Variants in RAVER2 observed in about 807,000 individuals in gnomAD.
RAVER2 encodes the protein ribonucleoprotein, PTB binding 2.
RAVER2 carries 46 observed loss-of-function variants against 78.1 expected under a neutral mutation model. The ratio of observed to expected loss-of-function variants is 0.59; its 90% CI spans 0.46 to 0.75. The LOEUF is 0.75. RAVER2 is among the 30% of genes least tolerant of loss of function. The pLI, the probability that RAVER2 is intolerant of heterozygous loss-of-function variation, is 0.00. For synonymous variants in RAVER2, 311 were observed against 313.3 expected, an observed-to-expected ratio of 0.99 and a Z score of 0.08; for missense variants, 793 against 837.5, an observed-to-expected ratio of 0.95 and a Z score of 0.66.
intron 11 of RAVER2, among the ~76,000 whole-genome samples, chr1:64,830,185 C>T (rs534455511): frequency 1.3e-5 from 2 of 152,308 alleles, no homozygotes; most frequent in South Asian, 4.1e-4. Context: ...AGCAGTGCTA[C>T]ACCATCTGAT....
chr1:64,763,419 T>A (rs1652078984), intron 1 of RAVER2, among the ~76,000 whole-genome samples: 1 of 152,106 alleles, frequency 6.6e-6, no homozygotes, highest in East Asian at 1.9e-4. Context: ...GTCAGTAATA[T>A]CATTATAAGT....
intron 1 of RAVER2, among the ~76,000 whole-genome samples, chr1:64,755,732 T>TG (rs1553151540): frequency 6.4e-5 from 9 of 141,558 alleles, no homozygotes; most frequent in African/African-American, 2.1e-4. Flanking sequence ...TAGTTTTTTT[T>TG]TTTTTTTTTT....
intron 1 of RAVER2, among the ~76,000 whole-genome samples, chr1:64,749,506 C>T (rs1034596773): frequency 7.9e-5 from 12 of 152,164 alleles, no homozygotes; most frequent in South Asian, 2.1e-4. Context: ...CCACCGTGCC[C>T]GGCCAGTCCT....
At chr1:64,800,481 G>A (rs1214917311) in intron 5 of RAVER2, among the ~76,000 whole-genome samples, 1 of 151,998 alleles carries the variant, frequency 6.6e-6, no homozygotes, top group East Asian at 1.9e-4. Flanking sequence ...GAGAGATAAG[G>A]GTCTGGCTTC....
At chr1:64,754,893 G>A (rs1553151483) in intron 1 of RAVER2, among the ~76,000 whole-genome samples, 1 of 152,188 alleles carries the variant, frequency 6.6e-6, no homozygotes, top group Non-Finnish European at 1.5e-5. Context: ...GGTTTGGGTA[G>A]TGATCCTTTA....
At chr1:64,809,189 C>T (rs1653532474) in intron 9 of RAVER2, among the ~76,000 whole-genome samples, 1 of 152,080 alleles carries the variant, frequency 6.6e-6, no homozygotes, top group Admixed American at 6.6e-5. Context: ...AAGAACAATT[C>T]AAGCTTTTAA....
chr1:64,802,287 T>C (rs1653288856), intron 5 of RAVER2, among the ~76,000 whole-genome samples: 1 of 152,230 alleles, frequency 6.6e-6, no homozygotes, highest in South Asian at 2.1e-4. Context: ...TTACTGGGAA[T>C]GCAGCTCAGC....
chr1:64,817,426 T>C (rs1353424387), intron 11 of RAVER2, among the ~76,000 whole-genome samples: 2 of 152,142 alleles, frequency 1.3e-5, no homozygotes, highest in African/African-American at 4.8e-5. Flanking sequence ...GAATTATAAA[T>C]CATGCTGCTA....
chr1:64,783,637 A>C (rs899401264), intron 4 of RAVER2, among the ~76,000 whole-genome samples: 6 of 152,134 alleles, frequency 3.9e-5, no homozygotes, highest in African/African-American at 7.2e-5. Context: ...TTCTGGATAT[A>C]TTAGCCCTTT....
intron 1 of RAVER2, among the ~76,000 whole-genome samples, chr1:64,764,367 A>T (rs1018400674): frequency 6.6e-6 from 1 of 151,972 alleles, no homozygotes; most frequent in African/African-American, 2.4e-5. Context: ...CTATTTTCCC[A>T]TATGGGAAAA....
chr1:64,782,597 A>G (rs902577659), intron 4 of RAVER2, among the ~76,000 whole-genome samples: 6 of 152,180 alleles, frequency 3.9e-5, no homozygotes, highest in Admixed American at 3.9e-4. Flanking sequence ...TTAAAATTTA[A>G]CTGCACATTC....
rs1361089768 is a variant in RAVER2 at position 64,807,489 on chromosome 1, G to A, written c.1680+15G>A. On this transcript the variant is annotated intron_variant, in intron 9 of 11. Transcript: ENST00000294428. ...TAAGTTCAGGGGTAAGAAAACTGTG[G>A]GTGCACACAGATGTATATATACATG... 1.2e-6 allele frequency: 2 copies of A among 1,610,756 alleles called. No individual in the cohort carries two copies. Among genetic ancestry groups the A allele is most frequent in the South Asian group, 2.2e-5 (2 of 90,996 alleles).
chr1:64,777,690 T>G (rs553549225), exon 3 of RAVER2: 1 of 1,614,030 alleles, frequency 6.2e-7, no homozygotes, highest in South Asian at 1.1e-5. Flanking sequence ...AATATTCTTT[T>G]AGAGGAAAAG....
exon 8 of RAVER2, chr1:64,805,096 G>T: frequency 6.2e-7 from 1 of 1,613,070 alleles, no homozygotes; most frequent in Non-Finnish European, 8.5e-7. Context: ...TCATGGAGAA[G>T]CACATAAAAG....
chr1:64,777,805 A>C, exon 3 of RAVER2: 1 of 1,614,108 alleles, frequency 6.2e-7, no homozygotes, highest in Non-Finnish European at 8.5e-7. Context: ...TGCTTATGGA[A>C]ATATTGAGAG....
At chr1:64,756,487 T>C (rs1246013926) in intron 1 of RAVER2, among the ~76,000 whole-genome samples, 5 of 152,128 alleles carry the variant, frequency 3.3e-5, no homozygotes, top group African/African-American at 1.2e-4. Flanking sequence ...GAGTGGGAGC[T>C]TCAAATTGGC....
chr1:64,750,550 A>G (rs1651672100), intron 1 of RAVER2, among the ~76,000 whole-genome samples: 1 of 152,074 alleles, frequency 6.6e-6, no homozygotes, highest in South Asian at 2.1e-4. Flanking sequence ...TATAAAAGCT[A>G]CGTATTCCTG....
At chr1:64,809,945 G>A (rs1033440701) in intron 9 of RAVER2, among the ~76,000 whole-genome samples, 6 of 152,096 alleles carry the variant, frequency 3.9e-5, no homozygotes, top group Admixed American at 1.3e-4. Flanking sequence ...TTCTAAGGCC[G>A]AATAATATTC....
At chr1:64,818,272 C>T (rs959085635) in intron 11 of RAVER2, among the ~76,000 whole-genome samples, 1 of 152,148 alleles carries the variant, frequency 6.6e-6, no homozygotes. Context: ...CGCGGTGGCT[C>T]ACACCTGTAA....
Sources: allele counts gnomAD v4.1 joint callset (sites outside exome capture counted in the v4.1 genomes callset), GRCh38; gene constraint gnomAD v4.1.1; transcripts MANE v1.5; gene names NCBI Gene and HGNC (gene_info 2026-07-23, HGNC 2026-07-21).